Variants in CD99 observed in about 807,000 individuals in gnomAD.
CD99 encodes the protein CD99 molecule (Xg blood group), also known as CD99 antigen.
A neutral mutation model predicts 28.4 loss-of-function variants in CD99; 19 were observed. That is an observed-to-expected ratio of 0.67 (90% CI 0.47 to 0.98). The LOEUF (loss-of-function observed/expected upper bound fraction) is 0.98, where lower values mean the gene tolerates loss of function less well. CD99 is among the 50% of genes least tolerant of loss of function. CD99 has a pLI of 0.00. For synonymous variants in CD99, 103 were observed against 92.1 expected, an observed-to-expected ratio of 1.12 and a Z score of -0.67; for missense variants, 283 against 248.8, an observed-to-expected ratio of 1.14 and a Z score of -0.92.
intron 7 of CD99, among the ~76,000 whole-genome samples, chrX:2,725,414 A>G (rs1198322293): frequency 6.6e-6 from 1 of 151,010 alleles, no homozygotes; most frequent in Admixed American, 6.6e-5. Flanking sequence ...ATACACAATA[A>G]TAATAATTAA....
chrX:2,714,726 C>T (rs1281150463), intron 2 of CD99: 10 of 340,486 alleles, frequency 2.9e-5, no homozygotes, highest in African/African-American at 1.0e-4. Flanking sequence ...AAGTGGGGCA[C>T]GTGCTGTTGG....
chrX:2,707,600 G>T (rs908235683), intron 1 of CD99, among the ~76,000 whole-genome samples: 1 of 152,168 alleles, frequency 6.6e-6, no homozygotes, highest in South Asian at 2.1e-4. Flanking sequence ...CGTCCGTTCC[G>T]CCTTGCCCTG....
intron 8 of CD99, chrX:2,733,790 G>A (rs938114758): frequency 2.4e-5 from 5 of 210,818 alleles, no homozygotes; most frequent in South Asian, 1.6e-4. Flanking sequence ...GCTCACTCAC[G>A]TCCTAAGGAT....
intron 8 of CD99, among the ~76,000 whole-genome samples, chrX:2,728,286 C>G (rs2049403759): frequency 6.7e-6 from 1 of 148,864 alleles, no homozygotes; most frequent in African/African-American, 2.5e-5. Flanking sequence ...CTCACTGCAA[C>G]CTCCACCTCC....
At chrX:2,716,746 A>G (rs1315349076) in intron 2 of CD99, among the ~76,000 whole-genome samples, 4 of 152,028 alleles carry the variant, frequency 2.6e-5, no homozygotes, top group Non-Finnish European at 4.4e-5. Context: ...CTCTTTCCTG[A>G]CCACCTACCC....
intron 8 of CD99, among the ~76,000 whole-genome samples, chrX:2,737,378 A>G (rs1431125206): frequency 6.7e-6 from 1 of 149,184 alleles, no homozygotes; most frequent in Admixed American, 6.7e-5. Flanking sequence ...GGGTTTCACC[A>G]TGTTGGCCAG....
intron 8 of CD99, chrX:2,727,327 G>C (rs1399148831): frequency 1.3e-6 from 1 of 779,196 alleles, no homozygotes; most frequent in Non-Finnish European, 2.4e-6. Context: ...CTTGTATTGG[G>C]ATCCGCCGTG....
intron 1 of CD99, among the ~76,000 whole-genome samples, chrX:2,707,470 T>A (rs2048178794): frequency 6.6e-6 from 1 of 152,190 alleles, no homozygotes. Context: ...ACACCCCATG[T>A]GGCCTCGGGG....
intron 3 of CD99, 168 bp from the exon 4 acceptor site, chrX:2,719,493 T>C: frequency 1.5e-6 from 1 of 685,016 alleles, no homozygotes; most frequent in South Asian, 1.8e-5. Flanking sequence ...AATAGTGATG[T>C]AAAAATGGTC....
chrX:2,733,332 T>C, intron 8 of CD99: 1 of 1,566,656 alleles, frequency 6.4e-7, no homozygotes, highest in Non-Finnish European at 8.7e-7. Flanking sequence ...TATTATTTTT[T>C]ATCGTTTTCA....
At chrX:2,728,742 T>C (rs888506892) in intron 8 of CD99, among the ~76,000 whole-genome samples, 5 of 152,070 alleles carry the variant, frequency 3.3e-5, no homozygotes, top group African/African-American at 1.2e-4. Context: ...ACTGTTCAAC[T>C]CACAGCATAA....
At chrX:2,726,236 G>T in intron 7 of CD99, 24 bp from the exon 8 acceptor site, 1 of 1,459,144 alleles carries the variant, frequency 6.9e-7, no homozygotes, top group Non-Finnish European at 9.6e-7. Flanking sequence ...TCTCAATCAC[G>T]ATGCTGTGTG....
intron 1 of CD99, among the ~76,000 whole-genome samples, chrX:2,705,258 A>G (rs1464216692): frequency 6.6e-6 from 1 of 152,196 alleles, no homozygotes; most frequent in Non-Finnish European, 1.5e-5. Flanking sequence ...GTGATCTGGC[A>G]CATTGTGTTT....
intron 1 of CD99, among the ~76,000 whole-genome samples, chrX:2,702,919 T>G (rs1298848543): frequency 6.6e-6 from 1 of 152,098 alleles, no homozygotes; most frequent in African/African-American, 2.4e-5. Context: ...GTAGCTGGGA[T>G]TACAGGCATG....
intron 3 of CD99, among the ~76,000 whole-genome samples, chrX:2,718,358 GTTCT>G (rs1180855887): frequency 1.0e-4 from 15 of 149,552 alleles, no homozygotes; most frequent in South Asian, 2.1e-4. Context: ...AGTGCTTGCT[GTTCT>G]TTCTTTCTTT....
Position 2,691,457 on chromosome X carries a change from G to C in CD99, c.67+30G>C, listed in dbSNP as rs371181717. ...GCGAGCGGAGGGATCCGGGTTGGGG[G>C]ACGCGGAGGGCGCGGGCCGGGACTG... On this transcript the variant is annotated intron_variant, in intron 1 of 9. Transcript: ENST00000381192. 1.3e-3 allele frequency: 2,002 copies of C among 1,569,296 alleles called. 10 individuals are homozygous for C. Among genetic ancestry groups the C allele is most frequent in the African/African-American group, 0.012 (861 of 73,502 alleles).
chrX:2,714,629 ATT>A (rs2048600010), intron 2 of CD99, 175 bp downstream of exon 2: 2 of 546,196 alleles, frequency 3.7e-6, no homozygotes, highest in Admixed American at 3.0e-5. Flanking sequence ...ACTGTAGTCT[ATT>A]AAGTATGCAA....
chrX:2,720,290 A>G (rs2048930384), intron 4 of CD99, 66 bp from the exon 5 acceptor site: 3 of 1,434,826 alleles, frequency 2.1e-6, no homozygotes, highest in Non-Finnish European at 2.0e-6. Flanking sequence ...ATCTGTGTGT[A>G]AACTGATGTT....
rs1386611933 is a variant in CD99 at position 2,726,409 on chromosome X, C to G, written c.475+36C>G. The stretch of plus-strand genomic sequence containing the variant: ...GTCCGCCGGTGCCTCTCCTTCATGC[C>G]TTGCTGATTGGAAAACTGTGCTTTC... On this transcript the variant is annotated intron_variant, in intron 8 of 9. Transcript: ENST00000381192. The G allele has an allele frequency of 2.0e-5, 26 of 1,305,282 alleles. No individual in the cohort carries two copies. In the East Asian group the frequency reaches 5.3e-4, roughly 27 times the overall value. 80.9% of individuals were successfully genotyped at this position (1,305,282 alleles called of 1,614,324 possible).
Sources: gnomAD v4.1 joint callset for allele counts (sites outside exome capture counted in the v4.1 genomes callset) on GRCh38, gnomAD v4.1.1 for gene constraint, MANE v1.5 for transcripts, NCBI Gene and HGNC (gene_info 2026-07-23, HGNC 2026-07-21) for gene names.